Variants in PTPRG observed in about 807,000 individuals in gnomAD.
The protein encoded by PTPRG is protein tyrosine phosphatase receptor type G.
Under a neutral mutation model 165.3 loss-of-function variants are expected in PTPRG, and 102 were observed. That is an observed-to-expected ratio of 0.62 (90% confidence interval 0.53 to 0.73). The LOEUF is 0.73. Among genes scored for constraint, PTPRG ranks in the 30% least tolerant of loss-of-function variants. The pLI is 0.00. For synonymous variants in PTPRG, 675 were observed against 669.5 expected, an observed-to-expected ratio of 1.01 and a Z score of -0.13; for missense variants, 1,866 against 1,861.4, an observed-to-expected ratio of 1.00 and a Z score of -0.05.
chr3:61,688,326 G>T (rs926283103), intron 1 of PTPRG, among the ~76,000 whole-genome samples: 1 of 152,208 alleles, frequency 6.6e-6, no homozygotes, highest in Non-Finnish European at 1.5e-5. Flanking sequence ...GGAGGAAACA[G>T]CTCCCCACGG....
rs1202524817 is a variant in PTPRG at position 62,271,461 on chromosome 3, G to C, written c.3088G>C (p.Gly1030Arg). 1.2e-6 allele frequency: 2 copies of C among 1,613,916 alleles called. No individual in the cohort carries two copies. Among genetic ancestry groups the C allele is most frequent in the East Asian group, 4.5e-5 (2 of 44,868 alleles). Residue 1030 changes from glycine to arginine, a missense_variant, in exon 21 of 30, where the codon GGA becomes CGA. By Grantham distance (125) the Gly-to-Arg change is moderately radical. Coordinates refer to ENST00000474889, the MANE Select transcript of PTPRG (RefSeq NM_002841.4). The surrounding 1 kb of genome is among the most constrained non-coding windows in gnomAD (Gnocchi z 4.1). The stretch of plus-strand genomic sequence containing the variant: ...TCACTATACACAGTGGCCTGACATG[G>C]GAGTTCCCGAGTATGCCCTTCCAGT... ...QYHYTQWPDM[G>R]VPEYALPVLT...
At chr3:61,867,179 C>T (rs947896067) in intron 2 of PTPRG, among the ~76,000 whole-genome samples, 6 of 152,132 alleles carry the variant, frequency 3.9e-5, no homozygotes, top group Non-Finnish European at 8.8e-5. Context: ...GATGGCGGCC[C>T]CACTGGGTGC....
chr3:61,829,066 G>A (rs2036194303), intron 2 of PTPRG, among the ~76,000 whole-genome samples: 1 of 152,180 alleles, frequency 6.6e-6, no homozygotes, highest in Admixed American at 6.5e-5. Flanking sequence ...GAGCTTGCCT[G>A]TGTGTGCCCG....
At chr3:62,094,692 TC>T (rs1189707403) in intron 5 of PTPRG, among the ~76,000 whole-genome samples, 1 of 152,200 alleles carries the variant, frequency 6.6e-6, no homozygotes, top group African/African-American at 2.4e-5. Context: ...TCTCTTCTAG[TC>T]CAACGTCCCC....
rs532062626 is a variant in PTPRG at position 61,562,121 on chromosome 3, C to G, written c.-167C>G. 5.6e-6 allele frequency: 3 copies of G among 534,534 alleles called. No homozygotes were observed. Among genetic ancestry groups the G allele is most frequent in the African/African-American group, 2.0e-5 (1 of 50,814 alleles). 33.1% of individuals were successfully genotyped at this position (534,534 alleles called of 1,614,324 possible). ...TTTTTGAGATTTTCCGGGGGGCGCTCGGCGGCTTCCCGGATTCCAAGGGGA... is the reference window on the plus strand; with the variant it reads ...TTTTTGAGATTTTCCGGGGGGCGCTGGGCGGCTTCCCGGATTCCAAGGGGA... On this transcript the variant is annotated 5_prime_UTR_variant, in exon 1 of 30. Coordinates refer to ENST00000474889, the MANE Select transcript of PTPRG (RefSeq NM_002841.4).
chr3:61,870,476 CTTTTTTT>C (rs869118813), intron 2 of PTPRG, among the ~76,000 whole-genome samples: 9 of 17,978 alleles, frequency 5.0e-4, no homozygotes, highest in African/African-American at 8.5e-4. Flanking sequence ...CCACACCTAG[CTTTTTTT>C]TTTTTTTTTT....
At chr3:62,014,529 C>G (rs2041495885) in intron 4 of PTPRG, among the ~76,000 whole-genome samples, 1 of 152,182 alleles carries the variant, frequency 6.6e-6, no homozygotes, top group African/African-American at 2.4e-5. Flanking sequence ...AGAGCTTCAA[C>G]TCCTGAATCT....
At chr3:61,872,626 C>G (rs1454091190) in intron 2 of PTPRG, among the ~76,000 whole-genome samples, 2 of 151,934 alleles carry the variant, frequency 1.3e-5, no homozygotes, top group Non-Finnish European at 2.9e-5. Context: ...TTTTCATGAC[C>G]ATTTGTACAG....
At chr3:61,749,097 C>A in intron 2 of PTPRG, 115 bp downstream of exon 2, 1 of 875,696 alleles carries the variant, frequency 1.1e-6, no homozygotes, top group South Asian at 1.4e-5. Flanking sequence ...TCAAATCTTT[C>A]GTAGTTCACT....
chr3:62,176,214 A>G (rs185138121), intron 8 of PTPRG, among the ~76,000 whole-genome samples: 7 of 152,156 alleles, frequency 4.6e-5, no homozygotes, highest in Admixed American at 4.6e-4. Context: ...TTAGGGGTGG[A>G]CTTTGGAGGA....
At chr3:61,916,262 GGT>G (rs141606424) in intron 2 of PTPRG, among the ~76,000 whole-genome samples, 1 of 151,826 alleles carries the variant, frequency 6.6e-6, no homozygotes, top group African/African-American at 2.4e-5. Context: ...CTTATTTTTG[GGT>G]GTGTGTGTGT....
chr3:61,741,526 T>G (rs2032984370), intron 1 of PTPRG, among the ~76,000 whole-genome samples: 1 of 152,212 alleles, frequency 6.6e-6, no homozygotes, highest in South Asian at 2.1e-4. Context: ...GGACATACAG[T>G]TAATGAGAAA....
chr3:61,873,225 A>G (rs1379672041), intron 2 of PTPRG, among the ~76,000 whole-genome samples: 3 of 152,200 alleles, frequency 2.0e-5, no homozygotes, highest in Non-Finnish European at 4.4e-5. Flanking sequence ...TAAGCGGAAA[A>G]CTGGCTACAG....
Position 62,191,463 on chromosome 3 carries a change from C to T in PTPRG, c.1034-6C>T, listed in dbSNP as rs754096972. 9.3e-6 allele frequency: 15 copies of T among 1,612,820 alleles called. No homozygotes were observed. The highest frequency in any genetic ancestry group is 1.7e-4 in the Middle Eastern group (1 of 5,810). On this transcript the variant is annotated splice_region_variant and splice_polypyrimidine_tract_variant and intron_variant, in intron 8 of 29. Transcript: ENST00000474889. ...GCTCCCTGAGCTGAGCCCTGTGTAT[C>T]TTCAGTTTGCAGCTCTCCACCCATC...
At chr3:62,008,336 C>G (rs2041343635) in intron 4 of PTPRG, among the ~76,000 whole-genome samples, 1 of 152,164 alleles carries the variant, frequency 6.6e-6, no homozygotes, top group African/African-American at 2.4e-5. Flanking sequence ...AATAAAAGAT[C>G]ACGGGAGTTG....
intron 1 of PTPRG, among the ~76,000 whole-genome samples, chr3:61,717,174 A>AT (rs1452383901): frequency 1.3e-5 from 2 of 152,202 alleles, no homozygotes; most frequent in Admixed American, 6.5e-5. Context: ...CATACAGGCC[A>AT]TTTTTTTCTG....
chr3:62,203,336 C>T lies in PTPRG; in HGVS notation c.1541C>T (p.Thr514Met), dbSNP rs756672469. 8.1e-6 allele frequency: 13 copies of T among 1,613,552 alleles called. No homozygotes were observed. Among genetic ancestry groups the T allele is most frequent in the East Asian group, 2.2e-5 (1 of 44,864 alleles). The change falls in exon 12 of 30, where the codon ACG becomes ATG. Residue 514 changes from threonine (T) to methionine (M), a missense_variant. Coordinates refer to ENST00000474889, the MANE Select transcript of PTPRG (RefSeq NM_002841.4). The surrounding 1 kb of genome is among the most constrained non-coding windows in gnomAD (Gnocchi z 6.4). The part of the protein sequence containing the change: ...QATVASVVTS[T>M]LLAGLGFGGG... ...ACAGTGGCCTCGGTGGTCACCAGCACGCTGCTCGCCGGCCTGGGGTTCGGC... is the reference window on the plus strand; with the variant it reads ...ACAGTGGCCTCGGTGGTCACCAGCATGCTGCTCGCCGGCCTGGGGTTCGGC...
intron 6 of PTPRG, among the ~76,000 whole-genome samples, chr3:62,134,197 G>A (rs1385194726): frequency 4.6e-5 from 7 of 152,236 alleles, no homozygotes; most frequent in South Asian, 2.1e-4. Flanking sequence ...ATCTGGCTCT[G>A]GGAGGGTTGC....
Position 62,293,369 on chromosome 3 carries a change from CT to C in PTPRG, c.*68del. On this transcript the variant is annotated 3_prime_UTR_variant, in exon 30 of 30. Transcript: ENST00000474889. ...TGAAGACTGAGAACTTTTTTGAGGCCTTTTTTGCCAGACTCTAGGTTATACA... is the reference window on the plus strand; with the variant it reads ...TGAAGACTGAGAACTTTTTTGAGGCCTTTTTGCCAGACTCTAGGTTATACA... 11 of 1,399,318 alleles carry C rather than the reference CT, an allele frequency of 7.9e-6. No individual in the cohort carries two copies. Among genetic ancestry groups the C allele is most frequent in the South Asian group, 3.4e-5 (2 of 58,692 alleles). The allele number at this position is 1,399,318 out of a possible 1,614,324, so 86.7% of individuals were successfully genotyped here.
Sources: gnomAD v4.1 joint callset for allele counts (sites outside exome capture counted in the v4.1 genomes callset) on GRCh38, gnomAD v4.1.1 for gene constraint, Gnocchi (gnomAD v3.1) non-coding constraint, MANE v1.5 for transcripts, NCBI Gene and HGNC (gene_info 2026-07-23, HGNC 2026-07-21) for gene names.